The following SPIDR variants were observed in gnomAD, a reference collection of about 807,000 sequenced individuals.
SPIDR encodes DNA repair-scaffolding protein.
Under a neutral mutation model 104.6 loss-of-function variants are expected in SPIDR, and 93 were observed. That is an observed-to-expected ratio of 0.89 (90% CI 0.75 to 1.06). The LOEUF (loss-of-function observed/expected upper bound fraction) is 1.06, where lower values mean the gene tolerates loss of function less well. SPIDR is among the 50% of genes least tolerant of loss of function. SPIDR has a pLI of 0.00. For synonymous variants in SPIDR, 431 were observed against 416.9 expected (o/e 1.03, Z -0.41); for missense variants, 1,154 against 1,111.2 (o/e 1.04, Z -0.55).
chr8:47,388,973 C>T (rs2060256914), intron 5 of SPIDR, among the ~76,000 whole-genome samples: 1 of 152,180 alleles, frequency 6.6e-6, no homozygotes, highest in South Asian at 2.1e-4. Flanking sequence ...TACTCCTTGC[C>T]TCATGCCAGT....
At chr8:47,691,508 A>G (rs941440589) in intron 11 of SPIDR, among the ~76,000 whole-genome samples, 10 of 152,168 alleles carry the variant, frequency 6.6e-5, no homozygotes, top group Non-Finnish European at 1.3e-4. Flanking sequence ...GACACACCAG[A>G]AGTATTACTG....
intron 3 of SPIDR, among the ~76,000 whole-genome samples, chr8:47,289,569 T>C (rs2154236139): frequency 6.6e-6 from 1 of 152,296 alleles, no homozygotes; most frequent in East Asian, 1.9e-4. Flanking sequence ...TGTCAGGTTT[T>C]CCACCTATCA....
rs189929224 is a variant in SPIDR at position 47,407,741 on chromosome 8, G to A, written c.777-120G>A. ...GAAGATAATGTGGTAACAAATATAC[G>A]TTAAAATTTTGCATGTTTTATCTGT... On this transcript the variant is annotated intron_variant, in intron 6 of 19. Coordinates refer to ENST00000297423, the MANE Select transcript of SPIDR (RefSeq NM_001080394.4). 4.4e-4 allele frequency: 214 copies of A among 488,354 alleles called. 1 individual carries two copies. Among genetic ancestry groups the A allele is most frequent in the Non-Finnish European group, 5.2e-4 (146 of 280,368 alleles). The allele number at this position is 488,354 out of a possible 1,614,324, so 30.3% of individuals were successfully genotyped here.
At chr8:47,723,880 TC>T (rs1050001278) in intron 16 of SPIDR, among the ~76,000 whole-genome samples, 3 of 152,160 alleles carry the variant, frequency 2.0e-5, no homozygotes, top group Admixed American at 6.5e-5. Flanking sequence ...CTTTTTTTTT[TC>T]CTTCCCATCC....
intron 8 of SPIDR, among the ~76,000 whole-genome samples, chr8:47,557,222 G>A (rs2091427820): frequency 6.6e-6 from 1 of 152,184 alleles, no homozygotes; most frequent in African/African-American, 2.4e-5. Flanking sequence ...GTGGAAGTAT[G>A]CCTCCATGAA....
intron 8 of SPIDR, among the ~76,000 whole-genome samples, chr8:47,488,796 C>G (rs1288257423): frequency 1.3e-5 from 2 of 152,174 alleles, no homozygotes; most frequent in East Asian, 3.8e-4. Flanking sequence ...TGACAAAATT[C>G]AACAGCCCTT....
intron 5 of SPIDR, among the ~76,000 whole-genome samples, chr8:47,389,807 T>C (rs1481854027): frequency 1.3e-5 from 2 of 151,688 alleles, no homozygotes; most frequent in Admixed American, 6.6e-5. Flanking sequence ...AGAAATGTGG[T>C]TGATGTTTTT....
chr8:47,727,376 C>A, intron 17 of SPIDR, 83 bp downstream of exon 17: 1 of 1,256,942 alleles, frequency 8.0e-7, no homozygotes, highest in Non-Finnish European at 1.1e-6. Context: ...GGCCTTGCTA[C>A]CTCAGGTGAC....
At chr8:47,393,673 TTTTCCTTTCCTTTCCTTTCC>T (rs143995416) in intron 5 of SPIDR, among the ~76,000 whole-genome samples, 5,175 of 102,482 alleles carry the variant, frequency 0.05, 139 homozygotes, top group Non-Finnish European at 0.057. Context: ...TCCCTTTCCT[TTTTCCTTTCCTTTCCTTTCC>T]TTTCCTTTCC....
chr8:47,644,419 C>T (rs530185684), intron 10 of SPIDR, among the ~76,000 whole-genome samples: 1 of 152,198 alleles, frequency 6.6e-6, no homozygotes, highest in Non-Finnish European at 1.5e-5. Context: ...AATCGTGTTA[C>T]CTTCATTTAC....
chr8:47,532,255 G>A (rs574545653), intron 8 of SPIDR, among the ~76,000 whole-genome samples: 1 of 151,934 alleles, frequency 6.6e-6, no homozygotes, highest in Non-Finnish European at 1.5e-5. Flanking sequence ...TTTTAGTAGA[G>A]ATGGGGTTTC....
chr8:47,344,674 G>C (rs543898754), intron 5 of SPIDR, among the ~76,000 whole-genome samples: 1 of 152,204 alleles, frequency 6.6e-6, no homozygotes, highest in East Asian at 1.9e-4. Context: ...ACTGGTGTGA[G>C]ATGGTATCTC....
intron 7 of SPIDR, among the ~76,000 whole-genome samples, chr8:47,418,253 G>A (rs1554676946): frequency 6.6e-6 from 1 of 152,162 alleles, no homozygotes; most frequent in African/African-American, 2.4e-5. Flanking sequence ...TCCTATCCAT[G>A]AGCATGGAAT....
intron 11 of SPIDR, among the ~76,000 whole-genome samples, chr8:47,694,332 C>T (rs999310547): frequency 2.0e-5 from 3 of 152,094 alleles, no homozygotes; most frequent in East Asian, 1.9e-4. Flanking sequence ...GTCTCTGGCA[C>T]GTAGAGACCC....
rs751554485 is a variant in SPIDR, at chr8:47,599,184, C to T, written c.1532C>T (p.Pro511Leu). 8.7e-6 allele frequency: 14 copies of T among 1,613,464 alleles called. No individual in the cohort carries two copies. In the East Asian group the frequency reaches 2.9e-4, roughly 33 times the overall value. The stretch of plus-strand genomic sequence containing the variant: ...GGGGCCAGCTCAGGACACACAGACC[C>T]AGCTGGAACTCGGTGAGTGCCAAGA... ...QQGASSGHTD[P>L]AGTRACLLVQ... Residue 511 changes from proline to leucine, a missense_variant, in exon 10 of 20, where the codon CCA becomes CTA. Pro to Leu is a moderately conservative substitution (Grantham distance 98). Coordinates refer to ENST00000297423, the MANE Select transcript of SPIDR (RefSeq NM_001080394.4).
intron 5 of SPIDR, among the ~76,000 whole-genome samples, chr8:47,381,627 G>A (rs1243784432): frequency 6.6e-6 from 1 of 152,184 alleles, no homozygotes; most frequent in African/African-American, 2.4e-5. Context: ...ATTCGGGCAG[G>A]TCTGGGCCTG....
intron 7 of SPIDR, among the ~76,000 whole-genome samples, chr8:47,408,427 T>C (rs1010451558): frequency 1.3e-5 from 2 of 152,172 alleles, no homozygotes; most frequent in Non-Finnish European, 2.9e-5. Flanking sequence ...GCCCAGCTCC[T>C]CTTAGCAAAA....
At chr8:47,461,195 T>C (rs2073877012) in intron 8 of SPIDR, among the ~76,000 whole-genome samples, 3 of 152,256 alleles carry the variant, frequency 2.0e-5, no homozygotes. Flanking sequence ...TCTAGATCTC[T>C]AGCAAGGCCA....
intron 5 of SPIDR, among the ~76,000 whole-genome samples, chr8:47,311,606 T>C (rs945814240): frequency 1.3e-5 from 2 of 152,086 alleles, no homozygotes; most frequent in Non-Finnish European, 2.9e-5. Flanking sequence ...TTGCTTGAGC[T>C]AAGGAGTTTG....
Sources: allele counts gnomAD v4.1 joint callset (sites outside exome capture counted in the v4.1 genomes callset), GRCh38; gene constraint gnomAD v4.1.1; transcripts MANE v1.5; gene names NCBI Gene and HGNC (gene_info 2026-07-23, HGNC 2026-07-21).